Variants in ARHGEF11 observed in about 807,000 individuals in gnomAD.
ARHGEF11 encodes the protein Rho guanine nucleotide exchange factor 11, also known as Rho guanine exchange factor (GEF) 11.
Under a neutral mutation model 193.7 loss-of-function variants are expected in ARHGEF11, and 55 were observed. The ratio of observed to expected loss-of-function variants is 0.28; its 90% CI spans 0.23 to 0.36. The LOEUF is 0.36. ARHGEF11 is among the 10% of genes least tolerant of loss of function. The pLI is 1.00. For synonymous variants in ARHGEF11, 693 were observed against 768.0 expected (o/e 0.90, Z 1.62); for missense variants, 1,723 against 2,005.6 (o/e 0.86, Z 2.69).
intron 18 of ARHGEF11, 23 bp from the exon 19 acceptor site, chr1:156,956,587 T>C: frequency 3.7e-6 from 6 of 1,613,418 alleles, no homozygotes; most frequent in Non-Finnish European, 5.1e-6. Context: ...AACAGTGTCC[T>C]GAATCAGAGA....
chr1:156,938,827 G>A, intron 37 of ARHGEF11: 1 of 368,350 alleles, frequency 2.7e-6, no homozygotes, highest in Non-Finnish European at 4.9e-6. Flanking sequence ...AGGCCCACTA[G>A]CGTGGAACCC....
At chr1:156,946,619 T>G (rs1415488797) in intron 28 of ARHGEF11, 43 bp downstream of exon 28, 2 of 1,613,364 alleles carry the variant, frequency 1.2e-6, no homozygotes, top group South Asian at 2.2e-5. Flanking sequence ...CTTGGTGACC[T>G]TGATGGAGAT....
chr1:156,966,311 T>C (rs1310386088), intron 11 of ARHGEF11, among the ~76,000 whole-genome samples: 2 of 152,240 alleles, frequency 1.3e-5, no homozygotes, highest in Non-Finnish European at 2.9e-5. Flanking sequence ...AAACTTTCTG[T>C]TGACCATGAC....
Position 156,939,719 on chromosome 1 carries a change from C to T in ARHGEF11, c.3925G>A (p.Gly1309Arg). The part of the protein sequence containing the change: ...GGEGDNTQLA[G>R]LEGERPEQED... The stretch of plus-strand genomic sequence containing the variant: ...TGCTCTGGCCGTTCCCCCTCCAGCC[C>T]TGCAAGCTGGGTGTTGTCCCCTTCA... Residue 1309 changes from glycine to arginine, a missense_variant, in exon 37 of 41, where the codon GGG (glycine) becomes AGG (arginine). This residue lies in a region of ARHGEF11 where 360 missense variants were observed against 344.4 expected (regional missense o/e 1.05). Transcript: ENST00000368194. 1.2e-6 allele frequency: 2 copies of T among 1,614,150 alleles called. No individual in the cohort carries two copies. Among genetic ancestry groups the T allele is most frequent in the Non-Finnish European group, 1.7e-6 (2 of 1,180,026 alleles).
At chr1:157,018,014 A>C (rs1417350982) in intron 1 of ARHGEF11, among the ~76,000 whole-genome samples, 1 of 152,196 alleles carries the variant, frequency 6.6e-6, no homozygotes, top group African/African-American at 2.4e-5. Context: ...TATGAAATCT[A>C]TATATAAAAA....
At chr1:156,939,455 G>A in intron 37 of ARHGEF11, 93 bp downstream of exon 37, 1 of 1,563,222 alleles carries the variant, frequency 6.4e-7, no homozygotes, top group African/African-American at 1.4e-5. Flanking sequence ...ACGGTACCCA[G>A]GGGGAGTATA....
chr1:157,037,513 T>G (rs1229656024), intron 1 of ARHGEF11, among the ~76,000 whole-genome samples: 1 of 152,210 alleles, frequency 6.6e-6, no homozygotes, highest in Non-Finnish European at 1.5e-5. Context: ...ACCATGTTGG[T>G]GCCACCCCAG....
chr1:157,010,714 A>C (rs1668442316), intron 1 of ARHGEF11, among the ~76,000 whole-genome samples: 2 of 152,186 alleles, frequency 1.3e-5, no homozygotes, highest in African/African-American at 4.8e-5. Flanking sequence ...GGACTGAAAA[A>C]TTGTATTTCT....
At chr1:156,963,907 A>C (rs1302498029) in intron 11 of ARHGEF11, 15 of 498,012 alleles carry the variant, frequency 3.0e-5, no homozygotes, top group Non-Finnish European at 4.3e-5. Flanking sequence ...TCAGTCAACA[A>C]AATAAGAGCC....
rs745580637 is a variant in ARHGEF11, at chr1:156,961,658, C to T, written c.1239+19G>A. The T allele has an allele frequency of 1.9e-6, 3 of 1,605,452 alleles. No homozygotes were observed. In the Admixed American group the frequency reaches 5.0e-5, roughly 27 times the overall value. On this transcript the variant is annotated intron_variant, in intron 14 of 40. Coordinates refer to ENST00000368194, the MANE Select transcript of ARHGEF11 (RefSeq NM_198236.3). ...CAAAGAATATGATAAAATTATAATC[C>T]AATCTATGACTGCCTTACCGCATTT...
chr1:156,946,636 AGGCCAAGGCAT>A lies in ARHGEF11; in HGVS notation c.2694+15_2694+25del. 6.2e-7 allele frequency: 1 copy of A among 1,613,042 alleles called. No homozygotes were observed. The highest frequency in any genetic ancestry group is 8.5e-7 in the Non-Finnish European group (1 of 1,179,408). On this transcript the variant is annotated intron_variant, in intron 28 of 40. Coordinates refer to ENST00000368194, the MANE Select transcript of ARHGEF11 (RefSeq NM_198236.3). ...TGGTGACCTTGATGGAGATGAAGGA[AGGCCAAGGCAT>A]GGCCAAGGACGCACCTGCATGAAGA...
At chr1:156,939,956 C>T (rs1656439413) in intron 36 of ARHGEF11, 46 bp from the exon 37 acceptor site, 3 of 1,586,812 alleles carry the variant, frequency 1.9e-6, no homozygotes, top group Non-Finnish European at 2.6e-6. Flanking sequence ...GGACTGCACA[C>T]CACGCCAGAA....
At chr1:156,957,342 A>C (rs1301421442) in intron 18 of ARHGEF11, among the ~76,000 whole-genome samples, 1 of 152,212 alleles carries the variant, frequency 6.6e-6, no homozygotes, top group Non-Finnish European at 1.5e-5. Flanking sequence ...AGGCTGCAAA[A>C]AAAAAAATTC....
chr1:156,943,120 G>A (rs1657412179), intron 32 of ARHGEF11, among the ~76,000 whole-genome samples: 1 of 146,172 alleles, frequency 6.8e-6, no homozygotes, highest in Admixed American at 7.0e-5. Context: ...GAATGTAGTG[G>A]TGCCATCTTG....
At position 156,977,000 on chromosome 1, in the gene ARHGEF11, C is replaced by T. The variant is rs1267531073; in HGVS notation, c.565G>A (p.Glu189Lys). The T allele has an allele frequency of 4.3e-6, 7 of 1,614,070 alleles. No individual in the cohort carries two copies. Among genetic ancestry groups the T allele is most frequent in the Non-Finnish European group, 5.9e-6 (7 of 1,179,976 alleles). The change falls in exon 7 of 41, where the codon GAA becomes AAA. Residue 189 changes from glutamate to lysine, a missense_variant. This residue lies in a region of ARHGEF11 where 646 missense variants were observed against 710.7 expected (regional missense o/e 0.91). Transcript: ENST00000368194. ...GACCTTACCTGTAATTCTTTTTCTT[C>T]CTGCCTCAGCATATTCCTGAGGATC... ...TQILRNMLRQ[E>K]EKELQRICEV... is the part of the protein sequence containing the mutation.
chr1:156,978,229 C>A lies in ARHGEF11; in HGVS notation c.485G>T (p.Arg162Leu), dbSNP rs771442711. The stretch of plus-strand genomic sequence containing the variant: ...CTGCAGAGGTTTGGGTCCTGTGATG[C>A]GTTGTGGAGGTGGTAGAGGTGGAGG... ...PPPPPLPPPQ[R>L]ITGPKPLQDP... The change falls in exon 6 of 41, where the codon CGC becomes CTC. Residue 162 changes from arginine to leucine, a missense_variant. Physicochemically the swap from Arg to Leu is moderately radical, Grantham distance 102. Around this residue, in one of 5 missense-constraint regions of ARHGEF11, gnomAD observed 646 missense variants for 710.7 expected, o/e 0.91. Coordinates refer to ENST00000368194, the MANE Select transcript of ARHGEF11 (RefSeq NM_198236.3). The A allele has an allele frequency of 9.3e-6, 15 of 1,614,052 alleles. No individual in the cohort carries two copies. In the South Asian group the frequency reaches 1.3e-4, roughly 14 times the overall value.
intron 11 of ARHGEF11, among the ~76,000 whole-genome samples, chr1:156,965,455 A>AC (rs1412965155): frequency 2.0e-5 from 3 of 152,160 alleles, no homozygotes; most frequent in Non-Finnish European, 2.9e-5. Context: ...ATTCCCTTAG[A>AC]CCACACGAAG....
chr1:156,958,574 C>A (rs1046900031), intron 17 of ARHGEF11, among the ~76,000 whole-genome samples, 168 bp downstream of exon 17: 1 of 152,230 alleles, frequency 6.6e-6, no homozygotes, highest in African/African-American at 2.4e-5. Flanking sequence ...TGAACACCTG[C>A]AGCCCTCAGC....
intron 1 of ARHGEF11, among the ~76,000 whole-genome samples, chr1:156,999,101 A>C (rs146635910): frequency 3.9e-3 from 589 of 152,310 alleles, no homozygotes; most frequent in African/African-American, 0.013. Flanking sequence ...CAGCCTAGAC[A>C]TCTGGGTTCT....
Sources: allele counts gnomAD v4.1 joint callset (sites outside exome capture counted in the v4.1 genomes callset), GRCh38; gene constraint gnomAD v4.1.1; regional missense constraint gnomAD v4.1.1; transcripts MANE v1.5; gene names NCBI Gene and HGNC (gene_info 2026-07-23, HGNC 2026-07-21).